PCYT2: variants seen among roughly 807,000 people sequenced by gnomAD.
The protein encoded by PCYT2 is ethanolamine-phosphate cytidylyltransferase.
A neutral mutation model predicts 50.0 loss-of-function variants in PCYT2; 33 were observed. That is an observed-to-expected ratio of 0.66 (90% CI 0.50 to 0.88). PCYT2 has a LOEUF of 0.88. Ranked by LOEUF, PCYT2 falls within the 40% of genes least tolerant of loss-of-function variation. The probability of loss-of-function intolerance (pLI) is 0.00; values close to 1 mark genes in which losing one functional copy is unlikely to be tolerated. For synonymous variants in PCYT2, 240 were observed against 203.7 expected, an observed-to-expected ratio of 1.18 and a Z score of -1.52; for missense variants, 430 against 519.7, an observed-to-expected ratio of 0.83 and a Z score of 1.68.
At chr17:81,909,699 T>A in intron 1 of PCYT2, 97 bp from the exon 2 acceptor site, 1 of 899,700 alleles carries the variant, frequency 1.1e-6, no homozygotes, top group South Asian at 1.3e-5. Flanking sequence ...TGAGGACTCC[T>A]TAGGAAGCGC....
Position 81,906,041 on chromosome 17 carries a change from AG to A in PCYT2, c.837+58del, listed in dbSNP as rs557406415. The stretch of plus-strand genomic sequence containing the variant: ...GCCCTGGCTCAGGGAGGCCCTTAGT[AG>A]GGGGGATGTTGTGGGAATGTCTCCC... On this transcript the variant is annotated intron_variant, in intron 9 of 12. Coordinates refer to ENST00000538936, the MANE Select transcript of PCYT2 (RefSeq NM_002861.5). 8.5e-5 allele frequency: 124 copies of A among 1,462,658 alleles called. No individual in the cohort carries two copies. In the African/African-American group the frequency reaches 1.4e-3, roughly 17 times the overall value. The allele number at this position is 1,462,658 out of a possible 1,614,324, so 90.6% of individuals were successfully genotyped here.
intron 10 of PCYT2, 60 bp from the exon 11 acceptor site, chr17:81,905,507 A>T (rs2040211766): frequency 6.7e-7 from 1 of 1,495,714 alleles, no homozygotes; most frequent in Non-Finnish European, 9.1e-7. Context: ...CGCCACCCAC[A>T]GCCCAGCACA....
chr17:81,905,087 A>T lies in PCYT2; in HGVS notation c.1037T>A (p.Val346Asp). The T allele has an allele frequency of 1.9e-6, 3 of 1,612,766 alleles. No homozygotes were observed. The highest frequency in any genetic ancestry group is 2.5e-6 in the Non-Finnish European group (3 of 1,179,638). Residue 346 changes from valine to aspartate, a missense_variant, in exon 12 of 13, where the codon GTC becomes GAC. By Grantham distance (152) the Val-to-Asp change is radical. This residue lies in a region of PCYT2 where 248 missense variants were observed against 300.2 expected (regional missense o/e 0.83). Coordinates refer to ENST00000538936, the MANE Select transcript of PCYT2 (RefSeq NM_002861.5). The stretch of plus-strand genomic sequence containing the variant: ...GCACCTGTTGGTGATGATCCGCTGG[A>T]CGATGAGGTCTGTGGTGAGGTTGCT... The part of the protein sequence containing the change: ...SGSNLTTDLI[V>D]QRIITNRLEY...
intron 11 of PCYT2, 96 bp from the exon 12 acceptor site, chr17:81,905,250 GT>G (rs2040190760): frequency 8.2e-6 from 11 of 1,337,600 alleles, no homozygotes; most frequent in Non-Finnish European, 1.2e-5. Context: ...AGCGCCCAGG[GT>G]CCCATGGGAG....
chr17:81,902,735 G>A lies in PCYT2; in HGVS notation c.*2098C>T. The A allele has an allele frequency of 6.2e-7, 1 of 1,606,764 alleles. No homozygotes were observed. The highest frequency in any genetic ancestry group is 2.2e-5 in the East Asian group (1 of 44,572). On this transcript the variant is annotated 3_prime_UTR_variant, in exon 13 of 13. Transcript: ENST00000538936. ...TTCCTGTCCCTGCGCGCAGCCGACTGCCTCGCCGCCTGAGCCCGGACCTCT... is the reference window on the plus strand; with the variant it reads ...TTCCTGTCCCTGCGCGCAGCCGACTACCTCGCCGCCTGAGCCCGGACCTCT...
At chr17:81,910,188 T>A (rs927043709) in intron 1 of PCYT2, among the ~76,000 whole-genome samples, 8 of 152,258 alleles carry the variant, frequency 5.3e-5, no homozygotes, top group Non-Finnish European at 1.2e-4. Flanking sequence ...TCGAGAGTTT[T>A]CATTCACAAA....
rs1001801927 is a variant in PCYT2 at position 81,904,681 on chromosome 17, C to T, written c.*152G>A. ...AAAGAGCGGAGAGCCTGCTGCAAAC[C>T]AGGCACCTTGTAGGCAGGCAAGGAG... On this transcript the variant is annotated 3_prime_UTR_variant, in exon 13 of 13. Coordinates refer to ENST00000538936, the MANE Select transcript of PCYT2 (RefSeq NM_002861.5). 1 of 603,208 alleles carries T rather than the reference C, an allele frequency of 1.7e-6. No individual in the cohort carries two copies. Among genetic ancestry groups the T allele is most frequent in the African/African-American group, 1.9e-5 (1 of 54,006 alleles). The allele number at this position is 603,208 out of a possible 1,614,324, so 37.4% of individuals were successfully genotyped here.
intron 10 of PCYT2, 32 bp from the exon 11 acceptor site, chr17:81,905,479 CG>C (rs761322140): frequency 6.4e-7 from 1 of 1,555,638 alleles, no homozygotes. Flanking sequence ...GAGCCCTCCC[CG>C]GGGAGGCAGC....
intron 2 of PCYT2, 58 bp from the exon 3 acceptor site, chr17:81,909,095 G>A (rs964320872): frequency 2.2e-5 from 35 of 1,573,024 alleles, no homozygotes; most frequent in Non-Finnish European, 2.8e-5. Context: ...CCTCCAGTAG[G>A]AGGCCCCTTC....
In PCYT2 at chr17:81,906,041, A is replaced by AG. The variant is rs557406415; in HGVS notation, c.837+58dup. 9.4e-5 allele frequency: 137 copies of AG among 1,462,666 alleles called. 1 individual carries two copies. The highest frequency in any genetic ancestry group is 5.0e-4 in the South Asian group (40 of 79,784). 90.6% of individuals were successfully genotyped at this position (1,462,666 alleles called of 1,614,324 possible). Reference sequence around the variant, plus strand: ...GCCCTGGCTCAGGGAGGCCCTTAGTAGGGGGGATGTTGTGGGAATGTCTCC... The same window carrying AG: ...GCCCTGGCTCAGGGAGGCCCTTAGTAGGGGGGGATGTTGTGGGAATGTCTCC... On this transcript the variant is annotated intron_variant, in intron 9 of 12. Transcript: ENST00000538936.
chr17:81,906,851 C>T lies in PCYT2; in HGVS notation c.585G>A (p.Gln195=), dbSNP rs1409344365. Residue 195 remains glutamine (Q), a synonymous_variant, in exon 7 of 13, where the codon CAG becomes CAA. Coordinates refer to ENST00000538936, the MANE Select transcript of PCYT2 (RefSeq NM_002861.5). ...NPWTGVSQFL[Q]TSQKIIQFAS... ...CAAACTGGATGATCTTCTGAGATGT[C>T]TGCAGGAACTGGGATACCCCGGTCC... is the stretch of plus-strand genomic sequence containing the variant. 6.2e-7 allele frequency: 1 copy of T among 1,613,448 alleles called. No homozygotes were observed. Among genetic ancestry groups the T allele is most frequent in the South Asian group, 1.1e-5 (1 of 91,090 alleles).
chr17:81,909,529 C>T lies in PCYT2; in HGVS notation c.163G>A (p.Gly55Ser), dbSNP rs754641907. The change falls in exon 2 of 13, where the codon GGC becomes AGC. Residue 55 changes from glycine to serine, a missense_variant. By Grantham distance (56) the Gly-to-Ser change is moderately conservative. Around this residue, in one of 4 missense-constraint regions of PCYT2, gnomAD observed 117 missense variants for 163.9 expected, o/e 0.71. Coordinates refer to ENST00000538936, the MANE Select transcript of PCYT2 (RefSeq NM_002861.5). ...CTGTGCTTACCATCGGTGTGCACGC[C>T]TACGATGAGGTAGTCACCCATGGCC... ...ARAMGDYLIV[G>S]VHTDEEIAKH... The T allele has an allele frequency of 6.2e-7, 1 of 1,613,390 alleles. No individual in the cohort carries two copies. Among genetic ancestry groups the T allele is most frequent in the Non-Finnish European group, 8.5e-7 (1 of 1,179,630 alleles).
At position 81,902,681 on chromosome 17, in the gene PCYT2, G is replaced by A. The variant is rs749069700; in HGVS notation, c.*2152C>T. ...AGGTGCGAGCGGCTCCCCGACGGCCGCGGGACCTACCAGTGCAAGGCGAAC... is the reference window on the plus strand; with the variant it reads ...AGGTGCGAGCGGCTCCCCGACGGCCACGGGACCTACCAGTGCAAGGCGAAC... On this transcript the variant is annotated 3_prime_UTR_variant, in exon 13 of 13. Transcript: ENST00000538936. The A allele has an allele frequency of 6.8e-6, 11 of 1,608,296 alleles. No individual in the cohort carries two copies. In the Admixed American group the frequency reaches 1.2e-4, roughly 17 times the overall value.
intron 4 of PCYT2, 38 bp from the exon 5 acceptor site, chr17:81,907,895 C>T: frequency 6.5e-7 from 1 of 1,536,740 alleles, no homozygotes; most frequent in Non-Finnish European, 8.9e-7. Context: ...CATCCTGGGA[C>T]ACTCGCAAGG....
chr17:81,908,603 G>A lies in PCYT2; in HGVS notation c.372C>T (p.Asp124=). ...CAGCCTGCTTTACTTCCTCATAGGTGTCCCGGCCATCTACAGTCAGGGTGA... is the reference window on the plus strand; with the variant it reads ...CAGCCTGCTTTACTTCCTCATAGGTATCCCGGCCATCTACAGTCAGGGTGA... ...NDITLTVDGR[D]TYEEVKQAGR... The change falls in exon 4 of 13, where the codon GAC becomes GAT. Residue 124 remains aspartate, a synonymous_variant. Transcript: ENST00000538936. The A allele has an allele frequency of 6.2e-7, 1 of 1,613,698 alleles. No individual in the cohort carries two copies. Among genetic ancestry groups the A allele is most frequent in the Non-Finnish European group, 8.5e-7 (1 of 1,179,784 alleles).
In PCYT2 at chr17:81,909,509, C is replaced by G. The variant is rs778394780; in HGVS notation, c.178+5G>C. ...CCGCGGGTGGGCGAGGCCATCTGTG[C>G]TTACCATCGGTGTGCACGCCTACGA... On this transcript the variant is annotated splice_donor_5th_base_variant and intron_variant, in intron 2 of 12. Coordinates refer to ENST00000538936, the MANE Select transcript of PCYT2 (RefSeq NM_002861.5). 5.6e-6 allele frequency: 9 copies of G among 1,611,670 alleles called. No individual in the cohort carries two copies. The highest frequency in any genetic ancestry group is 7.6e-6 in the Non-Finnish European group (9 of 1,178,276).
chr17:81,902,845 C>T lies in PCYT2; in HGVS notation c.*1988G>A. 3 of 1,098,900 alleles carry T rather than the reference C, an allele frequency of 2.7e-6. No individual in the cohort carries two copies. Among genetic ancestry groups the T allele is most frequent in the East Asian group, 2.8e-5 (1 of 36,050 alleles). The allele number at this position is 1,098,900 out of a possible 1,614,324, so 68.1% of individuals were successfully genotyped here. On this transcript the variant is annotated 3_prime_UTR_variant, in exon 13 of 13. Coordinates refer to ENST00000538936, the MANE Select transcript of PCYT2 (RefSeq NM_002861.5). ...CGGCGCGGGATGGCGCCCCAGGTCT[C>T]CCCTACTCCGCTCACCCCGCAGTTA... is the stretch of plus-strand genomic sequence containing the variant.
In PCYT2 at chr17:81,904,051, T is replaced by A. The variant is rs1411538696; in HGVS notation, c.*782A>T. 1 of 152,240 alleles carries A rather than the reference T, an allele frequency of 6.6e-6. No homozygotes were observed. The highest frequency in any genetic ancestry group is 1.5e-5 in the Non-Finnish European group (1 of 68,072). The allele number at this position is 152,240 out of a possible 1,614,324, so 9.4% of individuals were successfully genotyped here. A position where few individuals can be genotyped will look rare whatever the true frequency, so the allele number is the denominator to read the frequency against. On this transcript the variant is annotated 3_prime_UTR_variant, in exon 13 of 13. Coordinates refer to ENST00000538936, the MANE Select transcript of PCYT2 (RefSeq NM_002861.5). ...CCTCAGCTCTGGCTCTCCTCCTTATTCTAGCATCGCCTGCTACAGGGGGTG... is the reference window on the plus strand; with the variant it reads ...CCTCAGCTCTGGCTCTCCTCCTTATACTAGCATCGCCTGCTACAGGGGGTG...
In PCYT2 at chr17:81,902,265, A is replaced by G; in HGVS notation, c.*2568T>C. 1 of 1,243,418 alleles carries G rather than the reference A, an allele frequency of 8.0e-7. No homozygotes were observed. Among genetic ancestry groups the G allele is most frequent in the Non-Finnish European group, 1.0e-6 (1 of 995,658 alleles). The allele number at this position is 1,243,418 out of a possible 1,614,324, so 77.0% of individuals were successfully genotyped here. A position where few individuals can be genotyped will look rare whatever the true frequency, so the allele number is the denominator to read the frequency against. On this transcript the variant is annotated 3_prime_UTR_variant, in exon 13 of 13. Coordinates refer to ENST00000538936, the MANE Select transcript of PCYT2 (RefSeq NM_002861.5). ...GCCCGGACGCCGCCGCCCACCAGTC[A>G]GCCGGCGTCCCCATGGCCCGGTCCG...
Sources: allele counts gnomAD v4.1 joint callset (sites outside exome capture counted in the v4.1 genomes callset), GRCh38; gene constraint gnomAD v4.1.1; regional missense constraint gnomAD v4.1.1; transcripts MANE v1.5; gene names NCBI Gene and HGNC (gene_info 2026-07-23, HGNC 2026-07-21).